The following SCAMP4 variants were observed in gnomAD, a reference collection of about 807,000 sequenced individuals.
SCAMP4 encodes secretory carrier membrane protein 4, also known as secretory carrier-associated membrane protein 4.
Under a neutral mutation model 32.1 loss-of-function variants are expected in SCAMP4, and 19 were observed. That is an observed-to-expected ratio of 0.59 (90% CI 0.41 to 0.87). SCAMP4 has a LOEUF of 0.87. SCAMP4 is among the 40% of genes least tolerant of loss of function. SCAMP4 has a pLI of 0.00. For missense variants in SCAMP4, 302 were observed against 309.0 expected (o/e 0.98, Z 0.17); for synonymous variants, 152 against 132.7 (o/e 1.15, Z -1.00).
intron 1 of SCAMP4, 33 bp downstream of exon 1, chr19:1,905,472 C>G (rs1340748809): frequency 2.2e-6 from 1 of 451,450 alleles, no homozygotes; most frequent in South Asian, 1.6e-5. Flanking sequence ...TCGGGTTCTC[C>G]AGGCTCAGAC....
chr19:1,909,319 C>A (rs557735261), intron 1 of SCAMP4, among the ~76,000 whole-genome samples: 3 of 152,144 alleles, frequency 2.0e-5, no homozygotes, highest in Admixed American at 6.6e-5. Context: ...GGCTGGCTGT[C>A]CCCACGCCTG....
At chr19:1,914,642 C>T (rs1599246373) in intron 1 of SCAMP4, 25 of 401,596 alleles carry the variant, frequency 6.2e-5, no homozygotes, top group South Asian at 5.7e-4. Context: ...CAGCGTTCAC[C>T]TTGTGGCGCC....
chr19:1,910,573 G>GT (rs1490295435), intron 1 of SCAMP4, among the ~76,000 whole-genome samples: 10 of 126,822 alleles, frequency 7.9e-5, no homozygotes, highest in Admixed American at 1.8e-4. Context: ...TTTTTGAGGT[G>GT]TCTTTTTTTT....
At chr19:1,921,152 G>A in intron 5 of SCAMP4, 2 of 985,394 alleles carry the variant, frequency 2.0e-6, no homozygotes, top group Non-Finnish European at 2.4e-6. Flanking sequence ...GCTGCTGTGG[G>A]GCGAGAGGGG....
chr19:1,906,351 C>T (rs2013111639), intron 1 of SCAMP4: 1 of 149,426 alleles, frequency 6.7e-6, no homozygotes, highest in Admixed American at 6.8e-5. Context: ...GCTAGCAAGA[C>T]TCACTCTCCA....
intron 1 of SCAMP4, 120 bp from the exon 2 acceptor site, chr19:1,914,859 C>T: frequency 1.3e-6 from 1 of 796,838 alleles, no homozygotes; most frequent in South Asian, 1.5e-5. Context: ...TCCCGCTTAG[C>T]CCACTGCTGT....
intron 1 of SCAMP4, among the ~76,000 whole-genome samples, chr19:1,910,831 T>C (rs528077490): frequency 6.6e-6 from 1 of 151,754 alleles, no homozygotes; most frequent in African/African-American, 2.4e-5. Flanking sequence ...CGCCTCAGCC[T>C]CCCAAAGTGC....
intron 1 of SCAMP4, among the ~76,000 whole-genome samples, chr19:1,911,056 T>C (rs2013417209): frequency 6.6e-6 from 1 of 152,150 alleles, no homozygotes; most frequent in Admixed American, 6.5e-5. Flanking sequence ...TTTGTATTTT[T>C]AGTAGAGACG....
chr19:1,920,015 G>T, intron 5 of SCAMP4: 1 of 354,504 alleles, frequency 2.8e-6, no homozygotes, highest in Non-Finnish European at 3.9e-6. Context: ...TTCACCATGT[G>T]TTGGTCAGGC....
At chr19:1,922,742 A>G (rs2013958571) in intron 5 of SCAMP4, 2 of 1,020,682 alleles carry the variant, frequency 2.0e-6, no homozygotes, top group Non-Finnish European at 2.3e-6. Context: ...AGGGAAACTA[A>G]TGGGGAAGCA....
At position 1,917,861 on chromosome 19, in the gene SCAMP4, C is replaced by T. The variant is rs370645082; in HGVS notation, c.136+39C>T. 8 of 1,610,868 alleles carry T rather than the reference C, an allele frequency of 5.0e-6. No individual in the cohort carries two copies. The African/African-American group carries it at 8.0e-5, about 16-fold the overall frequency. On this transcript the variant is annotated intron_variant, in intron 3 of 6. Transcript: ENST00000316097. Reference sequence around the variant, plus strand: ...GGGGCAGGAGGCGGGAAGCGGGAGGCAGGGCTCCCCGAGGGAGGGAGTGGC... The same window carrying T: ...GGGGCAGGAGGCGGGAAGCGGGAGGTAGGGCTCCCCGAGGGAGGGAGTGGC...
In SCAMP4 at chr19:1,921,884, C is replaced by G. The variant is rs948159441; in HGVS notation, c.396-1186C>G. The G allele has an allele frequency of 5.1e-6, 5 of 985,260 alleles. No individual in the cohort carries two copies. In the East Asian group the frequency reaches 5.7e-4, roughly 112 times the overall value. The allele number at this position is 985,260 out of a possible 1,614,324, so 61.0% of individuals were successfully genotyped here. ...CCTGTGATGCTGTGGAGGCTCCAAG[C>G]AGGCGAACACAGGACAGGCCAGCAT... On this transcript the variant is annotated intron_variant, in intron 5 of 6. Transcript: ENST00000316097.
chr19:1,922,270 T>C (rs1219483290), intron 5 of SCAMP4: 1 of 985,176 alleles, frequency 1.0e-6, no homozygotes, highest in African/African-American at 1.7e-5. Context: ...CCCTCGTTTT[T>C]TTATTTTGAG....
In SCAMP4 at chr19:1,923,170, G is replaced by A. The variant is rs551729781; in HGVS notation, c.496G>A (p.Ala166Thr). 1.2e-5 allele frequency: 19 copies of A among 1,550,008 alleles called. No individual in the cohort carries two copies. The East Asian group carries it at 2.0e-4, about 16-fold the overall frequency. The change falls in exon 6 of 7, where the codon GCC becomes ACC. Residue 166 changes from alanine (A) to threonine (T), a missense_variant. Transcript: ENST00000316097. Reference protein sequence around the residue: ...IMFSVSAAMMAIAIMKVHRIY... With the variant: ...IMFSVSAAMMTIAIMKVHRIY... ...GTTCTCCGTGTCGGCTGCCATGATG[G>A]CCATCGCGATCATGAAGGTGAGTCC...
chr19:1,918,687 G>A (rs998798367), intron 4 of SCAMP4: 18 of 762,036 alleles, frequency 2.4e-5, no homozygotes, highest in African/African-American at 3.6e-5. Flanking sequence ...GCTTGAACCC[G>A]GGAGGCAGAG....
chr19:1,922,315 A>G, intron 5 of SCAMP4: 2 of 955,614 alleles, frequency 2.1e-6, no homozygotes, highest in Non-Finnish European at 2.5e-6. Context: ...GCTGGAGAGC[A>G]ACGGCACGAT....
chr19:1,910,171 G>A (rs1358196764), intron 1 of SCAMP4, among the ~76,000 whole-genome samples: 9 of 152,262 alleles, frequency 5.9e-5, no homozygotes, highest in East Asian at 1.9e-4. Flanking sequence ...TCCTCTCTGC[G>A]GGGTCTCACC....
At chr19:1,917,050 A>G (rs1342109593) in intron 2 of SCAMP4, among the ~76,000 whole-genome samples, 3 of 152,256 alleles carry the variant, frequency 2.0e-5, no homozygotes, top group Non-Finnish European at 4.4e-5. Context: ...CTGTTATCCC[A>G]GCACTTTGGG....
intron 1 of SCAMP4, among the ~76,000 whole-genome samples, chr19:1,907,556 A>G (rs988583772): frequency 3.9e-5 from 6 of 152,116 alleles, no homozygotes; most frequent in African/African-American, 1.2e-4. Context: ...CTGGGTGGAC[A>G]TACCCAGGTC....
Sources: allele counts gnomAD v4.1 joint callset (sites outside exome capture counted in the v4.1 genomes callset), GRCh38; gene constraint gnomAD v4.1.1; transcripts MANE v1.5; gene names NCBI Gene and HGNC (gene_info 2026-07-23, HGNC 2026-07-21).